ANGPT1: variants seen among roughly 807,000 people sequenced by gnomAD.
ANGPT1 encodes angiopoietin-1.
Under a neutral mutation model 62.2 loss-of-function variants are expected in ANGPT1, and 17 were observed. The observed-to-expected ratio is 0.27, with a 90% CI of 0.19 to 0.41. The LOEUF is 0.41. Among genes scored for constraint, ANGPT1 ranks in the 10% least tolerant of loss-of-function variants. The pLI is 1.00. For synonymous variants in ANGPT1, 199 were observed against 198.9 expected, an observed-to-expected ratio of 1.00 and a Z score of 0.00; for missense variants, 478 against 594.9, an observed-to-expected ratio of 0.80 and a Z score of 2.04.
intron 8 of ANGPT1, among the ~76,000 whole-genome samples, chr8:107,257,854 T>C (rs1238311191): frequency 2.7e-5 from 4 of 145,838 alleles, no homozygotes; most frequent in Non-Finnish European, 6.0e-5. Flanking sequence ...ATATATCCTC[T>C]TCAGGCCAAG....
chr8:107,264,567 C>T (rs947282106), intron 7 of ANGPT1, among the ~76,000 whole-genome samples: 1 of 152,162 alleles, frequency 6.6e-6, no homozygotes, highest in Non-Finnish European at 1.5e-5. Flanking sequence ...TCATGTGGTT[C>T]TCTGATACTG....
intron 7 of ANGPT1, among the ~76,000 whole-genome samples, chr8:107,266,516 T>C (rs565753045): frequency 6.6e-6 from 1 of 152,334 alleles, no homozygotes; most frequent in African/African-American, 2.4e-5. Flanking sequence ...AATAAGTGAA[T>C]GATTCCAAAA....
At chr8:107,470,339 G>A (rs1450555908) in intron 1 of ANGPT1, among the ~76,000 whole-genome samples, 1 of 152,006 alleles carries the variant, frequency 6.6e-6, no homozygotes, top group Non-Finnish European at 1.5e-5. Flanking sequence ...ATTTATAGAG[G>A]TTGTAATTAT....
In ANGPT1 at chr8:107,269,821, G is replaced by GA. The variant is rs199676375; in HGVS notation, c.1206-5471dup. Among the ~76,000 whole-genome samples, 235 of 147,128 alleles carry GA rather than the reference G, an allele frequency of 1.6e-3. 2 individuals are homozygous for GA. In the East Asian group the frequency reaches 0.028, roughly 17 times the overall value. ...CATCCATGTATTTTCTCCTAATAAA[G>GA]AAAAAAAAATGAGTCCCTTCGACGG... On this transcript the variant is annotated intron_variant, in intron 7 of 8. Coordinates refer to ENST00000517746, the MANE Select transcript of ANGPT1 (RefSeq NM_001146.5).
At chr8:107,419,720 G>A (rs192457025) in intron 1 of ANGPT1, among the ~76,000 whole-genome samples, 1 of 152,230 alleles carries the variant, frequency 6.6e-6, no homozygotes, top group East Asian at 1.9e-4. Flanking sequence ...GAGAGAGACA[G>A]GGAGTTAACA....
intron 1 of ANGPT1, among the ~76,000 whole-genome samples, chr8:107,414,475 T>G (rs1185564086): frequency 1.3e-5 from 2 of 152,168 alleles, no homozygotes; most frequent in African/African-American, 2.4e-5. Context: ...TTTTTCAGTT[T>G]AAAAGAAAAG....
At chr8:107,267,674 A>G (rs552853821) in intron 7 of ANGPT1, among the ~76,000 whole-genome samples, 65 of 152,192 alleles carry the variant, frequency 4.3e-4, no homozygotes, top group African/African-American at 1.5e-3. Context: ...TATTCTGGTT[A>G]AAGTTGCTCG....
Position 107,429,357 on chromosome 8 carries a change from T to C in ANGPT1, c.297+67905A>G, listed in dbSNP as rs552269021. 2.2e-4 allele frequency among the ~76,000 whole-genome samples: 34 copies of C among 152,262 alleles called. No individual in the cohort carries two copies. In the South Asian group the frequency reaches 6.4e-3, roughly 29 times the overall value. Reference sequence around the variant, plus strand: ...CAATCACCATCTCACCACTTAACAGTTCAGTTAACAAATTTGGACAAAAAG... The same window carrying C: ...CAATCACCATCTCACCACTTAACAGCTCAGTTAACAAATTTGGACAAAAAG... On this transcript the variant is annotated intron_variant, in intron 1 of 8. Coordinates refer to ENST00000517746, the MANE Select transcript of ANGPT1 (RefSeq NM_001146.5).
intron 3 of ANGPT1, among the ~76,000 whole-genome samples, chr8:107,324,143 C>T (rs1298496456): frequency 2.8e-5 from 4 of 143,548 alleles, no homozygotes; most frequent in African/African-American, 5.5e-5. Context: ...GCTTGCCCCC[C>T]AGCCAAAAAA....
chr8:107,301,057 G>A (rs1226545406), intron 5 of ANGPT1, among the ~76,000 whole-genome samples: 1 of 151,866 alleles, frequency 6.6e-6, no homozygotes, highest in East Asian at 1.9e-4. Flanking sequence ...CTAGAGTGTA[G>A]TTGTGGTTAT....
At chr8:107,451,517 G>C (rs1023384436) in intron 1 of ANGPT1, among the ~76,000 whole-genome samples, 4 of 151,876 alleles carry the variant, frequency 2.6e-5, no homozygotes, top group African/African-American at 9.7e-5. Context: ...AAATGCTTTA[G>C]TACTATAGAA....
intron 1 of ANGPT1, among the ~76,000 whole-genome samples, chr8:107,493,787 T>C (rs929686091): frequency 8.0e-5 from 12 of 150,474 alleles, no homozygotes; most frequent in African/African-American, 2.9e-4. Flanking sequence ...GGTCACATTC[T>C]AATGGATATT....
At chr8:107,392,284 A>G (rs1261092838) in intron 1 of ANGPT1, among the ~76,000 whole-genome samples, 1 of 152,212 alleles carries the variant, frequency 6.6e-6, no homozygotes, top group Admixed American at 6.5e-5. Flanking sequence ...TTCTTTTCAC[A>G]ATAATGAAAT....
chr8:107,453,965 A>T (rs938190765), intron 1 of ANGPT1, among the ~76,000 whole-genome samples: 1 of 152,062 alleles, frequency 6.6e-6, no homozygotes, highest in Non-Finnish European at 1.5e-5. Context: ...TATTTAAAAG[A>T]TGTTAAGAAT....
chr8:107,294,237 C>T, intron 5 of ANGPT1, 200 bp from the exon 6 acceptor site: 1 of 410,762 alleles, frequency 2.4e-6, no homozygotes, highest in Non-Finnish European at 4.3e-6. Flanking sequence ...TGATTAAATT[C>T]CATCAATGAT....
rs191318659 is a variant in ANGPT1 at position 107,297,306 on chromosome 8, T to C, written c.937-3269A>G. On this transcript the variant is annotated intron_variant, in intron 5 of 8. Transcript: ENST00000517746. ...TGGAGCTGAATGACACCTTGGTTAA[T>C]AGCGCCAACTTGAGTGCTACATTGC... Among the ~76,000 whole-genome samples the C allele has an allele frequency of 2.6e-4, 40 of 152,016 alleles. 1 individual carries two copies. Among genetic ancestry groups the C allele is most frequent in the Non-Finnish European group, 5.0e-4 (34 of 67,956 alleles).
At chr8:107,290,515 A>T (rs1814248455) in intron 6 of ANGPT1, among the ~76,000 whole-genome samples, 1 of 152,152 alleles carries the variant, frequency 6.6e-6, no homozygotes, top group Non-Finnish European at 1.5e-5. Flanking sequence ...GTCTATATCC[A>T]TTCCTGGTGG....
intron 7 of ANGPT1, among the ~76,000 whole-genome samples, chr8:107,271,051 A>G (rs1188710289): frequency 1.3e-5 from 2 of 151,980 alleles, no homozygotes; most frequent in Non-Finnish European, 2.9e-5. Context: ...GCCATTAACC[A>G]AAACTCTTCC....
chr8:107,272,849 AAT>A (rs967461572), intron 7 of ANGPT1, among the ~76,000 whole-genome samples: 1 of 150,490 alleles, frequency 6.6e-6, no homozygotes, highest in African/African-American at 2.4e-5. Context: ...AAATAAGATA[AAT>A]AGTTATTCCA....
Sources: allele counts gnomAD v4.1 joint callset (sites outside exome capture counted in the v4.1 genomes callset), GRCh38; gene constraint gnomAD v4.1.1; transcripts MANE v1.5; gene names NCBI Gene and HGNC (gene_info 2026-07-23, HGNC 2026-07-21).